Variants in DPP10 observed in about 807,000 individuals in gnomAD.
The protein encoded by DPP10 is inactive dipeptidyl peptidase 10.
Under a neutral mutation model 120.9 loss-of-function variants are expected in DPP10, and 33 were observed. The observed-to-expected ratio is 0.27, with a 90% CI of 0.21 to 0.37. DPP10 has a LOEUF of 0.37. DPP10 is among the 10% of genes least tolerant of loss of function. The probability of loss-of-function intolerance (pLI) is 1.00; values close to 1 mark genes in which losing one functional copy is unlikely to be tolerated. For synonymous variants in DPP10, 337 were observed against 326.1 expected (o/e 1.03, Z -0.36); for missense variants, 816 against 942.8 (o/e 0.87, Z 1.76).
chr2:114,981,120 T>C (rs1161524883), intron 1 of DPP10, among the ~76,000 whole-genome samples: 2 of 152,016 alleles, frequency 1.3e-5, no homozygotes, highest in Non-Finnish European at 2.9e-5. Flanking sequence ...ACTGTATTTC[T>C]CAAAACTCTA....
At chr2:114,675,367 TTGAG>T (rs1156535879) in intron 1 of DPP10, among the ~76,000 whole-genome samples, 2 of 152,242 alleles carry the variant, frequency 1.3e-5, no homozygotes, top group East Asian at 1.9e-4. Context: ...AGAGAAATGT[TTGAG>T]TGAGGATTGA....
chr2:115,376,411 T>G (rs907284260), intron 3 of DPP10, among the ~76,000 whole-genome samples: 1 of 152,108 alleles, frequency 6.6e-6, no homozygotes, highest in Non-Finnish European at 1.5e-5. Context: ...TTTAGAGTAT[T>G]GTATTACCAA....
intron 1 of DPP10, among the ~76,000 whole-genome samples, chr2:114,501,444 C>T (rs1683171965): frequency 6.6e-6 from 1 of 152,104 alleles, no homozygotes; most frequent in South Asian, 2.1e-4. Context: ...TTGTTGTCCT[C>T]ATAATATAGA....
At chr2:114,853,440 A>G (rs997214000) in intron 1 of DPP10, among the ~76,000 whole-genome samples, 1 of 151,972 alleles carries the variant, frequency 6.6e-6, no homozygotes, top group South Asian at 2.1e-4. Flanking sequence ...CTTGAAATCC[A>G]TTTTTGCAAA....
At chr2:114,556,581 G>A (rs1026223468) in intron 1 of DPP10, among the ~76,000 whole-genome samples, 18 of 152,026 alleles carry the variant, frequency 1.2e-4, no homozygotes, top group Admixed American at 1.2e-3. Context: ...AAATAGATAT[G>A]AGACTACAGT....
At chr2:114,889,543 G>A (rs1692367794) in intron 1 of DPP10, among the ~76,000 whole-genome samples, 1 of 151,936 alleles carries the variant, frequency 6.6e-6, no homozygotes, top group Non-Finnish European at 1.5e-5. Context: ...AGGGTTGAAT[G>A]TACCAACAAC....
intron 19 of DPP10, among the ~76,000 whole-genome samples, chr2:115,804,604 T>C (rs1685686544): frequency 6.6e-6 from 1 of 152,080 alleles, no homozygotes; most frequent in East Asian, 1.9e-4. Flanking sequence ...TACAGATGGG[T>C]TTTTGGTGTG....
At chr2:115,596,646 C>G (rs2083006622) in intron 5 of DPP10, among the ~76,000 whole-genome samples, 1 of 152,066 alleles carries the variant, frequency 6.6e-6, no homozygotes, top group Non-Finnish European at 1.5e-5. Context: ...TCTTGTAAAA[C>G]AAAGTAGAAA....
intron 1 of DPP10, among the ~76,000 whole-genome samples, chr2:115,176,110 A>T (rs1467502115): frequency 3.9e-5 from 6 of 152,126 alleles, no homozygotes; most frequent in African/African-American, 1.4e-4. Context: ...GTCCTAGAGG[A>T]TGAGTCAGAT....
intron 1 of DPP10, among the ~76,000 whole-genome samples, chr2:114,800,019 ACTTCC>A (rs1217705651): frequency 6.6e-6 from 1 of 152,206 alleles, no homozygotes; most frequent in Non-Finnish European, 1.5e-5. Context: ...AGTTTAACAC[ACTTCC>A]CTTCACTATG....
At chr2:114,692,912 C>G (rs1448269968) in intron 1 of DPP10, among the ~76,000 whole-genome samples, 1 of 150,954 alleles carries the variant, frequency 6.6e-6, no homozygotes, top group Non-Finnish European at 1.5e-5. Context: ...CCCTTCTTCT[C>G]TGATTTCTAT....
chr2:115,773,679 TTTG>T (rs1681746035), intron 13 of DPP10, among the ~76,000 whole-genome samples: 1 of 152,120 alleles, frequency 6.6e-6, no homozygotes, highest in African/African-American at 2.4e-5. Context: ...TCTTTCCTGC[TTTG>T]TTAAGTGATC....
At chr2:115,540,733 A>AT (rs2079126463) in intron 5 of DPP10, among the ~76,000 whole-genome samples, 1 of 151,912 alleles carries the variant, frequency 6.6e-6, no homozygotes, top group Non-Finnish European at 1.5e-5. Flanking sequence ...AATTCTGTCC[A>AT]TAATATTTCA....
At chr2:115,312,368 G>T (rs906696142) in intron 2 of DPP10, among the ~76,000 whole-genome samples, 7 of 152,096 alleles carry the variant, frequency 4.6e-5, no homozygotes, top group Non-Finnish European at 1.0e-4. Context: ...TAGTCGCATG[G>T]CCTTTACGGT....
intron 3 of DPP10, among the ~76,000 whole-genome samples, chr2:115,446,361 T>C (rs1445514840): frequency 6.6e-6 from 1 of 152,168 alleles, no homozygotes; most frequent in Non-Finnish European, 1.5e-5. Flanking sequence ...ACTGGGGCAC[T>C]TCCCAGTAGA....
chr2:114,632,974 T>A (rs1436384529), intron 1 of DPP10, among the ~76,000 whole-genome samples: 1 of 151,994 alleles, frequency 6.6e-6, no homozygotes, highest in Non-Finnish European at 1.5e-5. Flanking sequence ...TATTCCAGGA[T>A]CTCCTTACCT....
chr2:115,683,499 G>T (rs2090789618), intron 5 of DPP10, among the ~76,000 whole-genome samples: 1 of 151,754 alleles, frequency 6.6e-6, no homozygotes, highest in African/African-American at 2.4e-5. Flanking sequence ...ATGGACTCTG[G>T]GTGACAATGG....
intron 2 of DPP10, among the ~76,000 whole-genome samples, chr2:115,317,252 A>G (rs1479907719): frequency 6.6e-6 from 1 of 152,128 alleles, no homozygotes; most frequent in African/African-American, 2.4e-5. Flanking sequence ...CTGAAGATCT[A>G]CTTTTTCTAG....
chr2:115,643,533 G>A (rs891575840), intron 5 of DPP10, among the ~76,000 whole-genome samples: 3 of 152,156 alleles, frequency 2.0e-5, no homozygotes, highest in South Asian at 2.1e-4. Context: ...AAAACAAAAG[G>A]TTAGGTGTCT....
Sources: gnomAD v4.1 joint callset for allele counts (sites outside exome capture counted in the v4.1 genomes callset) on GRCh38, gnomAD v4.1.1 for gene constraint, MANE v1.5 for transcripts, NCBI Gene and HGNC (gene_info 2026-07-23, HGNC 2026-07-21) for gene names.